DNAJC18: variants seen among roughly 807,000 people sequenced by gnomAD.
DNAJC18 encodes DnaJ heat shock protein family (Hsp40) member C18.
In DNAJC18, 40 loss-of-function variants were observed where a neutral mutation model predicts 48.6. The observed-to-expected ratio is 0.82, with a 90% CI of 0.64 to 1.07. The LOEUF (loss-of-function observed/expected upper bound fraction) is 1.07. Among genes scored for constraint, DNAJC18 ranks in the 50% least tolerant of loss-of-function variants. The pLI is 0.00. For synonymous variants in DNAJC18, 135 were observed against 152.2 expected (o/e 0.89, Z 0.83); for missense variants, 340 against 427.7 (o/e 0.79, Z 1.81).
intron 5 of DNAJC18, among the ~76,000 whole-genome samples, chr5:139,423,766 T>A (rs1759190139): frequency 6.7e-6 from 1 of 149,434 alleles, no homozygotes; most frequent in Non-Finnish European, 1.5e-5. Flanking sequence ...AAAAAAAAAA[T>A]CTGAAATCTG....
At chr5:139,418,653 T>C in intron 7 of DNAJC18, 1 of 432,426 alleles carries the variant, frequency 2.3e-6, no homozygotes, top group South Asian at 1.6e-5. Flanking sequence ...GAGAGAACAT[T>C]AGGACTTTGC....
chr5:139,422,665 C>T lies in DNAJC18; in HGVS notation c.779+43G>A, dbSNP rs1759173234. ...TCAGCAAAACCTTCAAGTCTTTCAC[C>T]CCCAGACTGTTACTGAGAAAGATTT... On this transcript the variant is annotated intron_variant, in intron 6 of 7. Coordinates refer to ENST00000302060, the MANE Select transcript of DNAJC18 (RefSeq NM_152686.4). 4.9e-6 allele frequency: 7 copies of T among 1,428,590 alleles called. No homozygotes were observed. In the East Asian group the frequency reaches 1.4e-4, roughly 29 times the overall value. 88.5% of individuals were successfully genotyped at this position (1,428,590 alleles called of 1,614,324 possible). A position where few individuals can be genotyped will look rare whatever the true frequency, so the allele number is the denominator to read the frequency against.
intron 7 of DNAJC18, 146 bp downstream of exon 7, chr5:139,419,907 A>G (rs567741238): frequency 9.5e-5 from 73 of 765,632 alleles, no homozygotes; most frequent in Non-Finnish European, 3.9e-6. Flanking sequence ...ACTTTTTTAT[A>G]GTATCCTGAA....
At chr5:139,438,315 CA>C (rs35642628) in intron 1 of DNAJC18, among the ~76,000 whole-genome samples, 159 of 131,012 alleles carry the variant, frequency 1.2e-3, no homozygotes, top group African/African-American at 3.4e-3. Flanking sequence ...GACTCCGTCT[CA>C]AAAAAAAAAA....
chr5:139,414,174 G>A lies in DNAJC18; in HGVS notation c.1051C>T (p.Leu351Phe), dbSNP rs774034517. ...KLENCEKLSK[L>F]IGLRRGG ...CAGCCACCTCTGCGTAGGCCAATGA[G>A]TTTGGAAAGTTTCTCACAGTTTTCA... Residue 351 changes from leucine (L) to phenylalanine (F), a missense_variant, in exon 8 of 8, where the codon CTC becomes TTC. Coordinates refer to ENST00000302060, the MANE Select transcript of DNAJC18 (RefSeq NM_152686.4). 42 of 1,610,788 alleles carry A rather than the reference G, an allele frequency of 2.6e-5. No individual in the cohort carries two copies. In the South Asian group the frequency reaches 3.6e-4, roughly 14 times the overall value.
intron 2 of DNAJC18, among the ~76,000 whole-genome samples, chr5:139,433,555 C>G (rs536348001): frequency 2.0e-5 from 3 of 152,160 alleles, no homozygotes; most frequent in African/African-American, 7.2e-5. Flanking sequence ...CATCATGTGG[C>G]ATTTTAAGCA....
chr5:139,433,761 T>TA (rs765212406), intron 2 of DNAJC18, among the ~76,000 whole-genome samples: 2 of 152,228 alleles, frequency 1.3e-5, no homozygotes, highest in Non-Finnish European at 2.9e-5. Flanking sequence ...TTTCACTTTT[T>TA]ATAATAGATT....
chr5:139,418,790 C>T (rs1476979700), intron 7 of DNAJC18: 1 of 456,280 alleles, frequency 2.2e-6, no homozygotes, highest in Non-Finnish European at 4.4e-6. Context: ...CTTCAAAAGA[C>T]ATTTGTTGAG....
In DNAJC18 at chr5:139,431,997, G is replaced by C. The variant is rs1759337283; in HGVS notation, c.228-3314C>G. 2.0e-5 allele frequency among the ~76,000 whole-genome samples: 3 copies of C among 152,248 alleles called. No homozygotes were observed. The East Asian group carries it at 5.8e-4, about 29-fold the overall frequency. On this transcript the variant is annotated intron_variant, in intron 2 of 7. Transcript: ENST00000302060. ...ATATCTTCTTTATTCATATATGGAG[G>C]AATATATAGGAGGAATGCCTATTCA...
At chr5:139,433,933 C>T (rs1759369882) in intron 2 of DNAJC18, among the ~76,000 whole-genome samples, 1 of 152,034 alleles carries the variant, frequency 6.6e-6, no homozygotes, top group South Asian at 2.1e-4. Context: ...CTCTTGTTGC[C>T]CAGGCTGGAG....
chr5:139,438,935 G>A (rs1004359641), intron 1 of DNAJC18, among the ~76,000 whole-genome samples: 4 of 152,204 alleles, frequency 2.6e-5, no homozygotes, highest in Non-Finnish European at 5.9e-5. Context: ...AGCATTAGGC[G>A]GGGCACACAA....
chr5:139,433,303 G>C (rs963348820), intron 2 of DNAJC18, among the ~76,000 whole-genome samples: 1 of 152,150 alleles, frequency 6.6e-6, no homozygotes. Context: ...AATTAGCTGG[G>C]CATGATGGTG....
chr5:139,421,778 A>G (rs1162693317), intron 6 of DNAJC18, among the ~76,000 whole-genome samples: 1 of 152,210 alleles, frequency 6.6e-6, no homozygotes, highest in East Asian at 1.9e-4. Flanking sequence ...ACTGCACTCC[A>G]GCCCAGGCGA....
chr5:139,429,297 T>G (rs1333846867), intron 2 of DNAJC18, among the ~76,000 whole-genome samples: 1 of 152,094 alleles, frequency 6.6e-6, no homozygotes, highest in Non-Finnish European at 1.5e-5. Flanking sequence ...TTGGTTAGGC[T>G]GGTCTCAAAC....
rs1416722129 is a variant in DNAJC18 at position 139,426,364 on chromosome 5, C to A, written c.374-7G>T. On this transcript the variant is annotated splice_polypyrimidine_tract_variant and splice_region_variant and intron_variant, in intron 3 of 7. Coordinates refer to ENST00000302060, the MANE Select transcript of DNAJC18 (RefSeq NM_152686.4). ...GCAAATGCATTTCCTATTGCTGCAACCAACAAGAACCAGCACATGAGGACA... is the reference window on the plus strand; with the variant it reads ...GCAAATGCATTTCCTATTGCTGCAAACAACAAGAACCAGCACATGAGGACA... 8 of 1,613,414 alleles carry A rather than the reference C, an allele frequency of 5.0e-6. No individual in the cohort carries two copies. Among genetic ancestry groups the A allele is most frequent in the Non-Finnish European group, 6.8e-6 (8 of 1,179,600 alleles).
At chr5:139,424,709 C>A (rs902337675) in intron 5 of DNAJC18, among the ~76,000 whole-genome samples, 8 of 105,052 alleles carry the variant, frequency 7.6e-5, no homozygotes, top group African/African-American at 2.7e-4. Context: ...GACAGTGAGA[C>A]CCTCTCTCAA....
intron 2 of DNAJC18, among the ~76,000 whole-genome samples, chr5:139,436,687 T>C (rs1750666543): frequency 6.6e-6 from 1 of 151,806 alleles, no homozygotes; most frequent in African/African-American, 2.4e-5. Context: ...TATATATATA[T>C]TTTTTGGAAG....
At chr5:139,427,288 C>T (rs1009337862) in intron 3 of DNAJC18, among the ~76,000 whole-genome samples, 7 of 152,208 alleles carry the variant, frequency 4.6e-5, no homozygotes, top group Admixed American at 2.0e-4. Context: ...TGTTTACCAA[C>T]ATGTCTCCTT....
Position 139,414,003 on chromosome 5 carries a change from C to T in DNAJC18, c.*145G>A. The stretch of plus-strand genomic sequence containing the variant: ...TGAAGACACATCTGGCTCTCGTGCC[C>T]ATGCTCCTGCCACTCTGCCCAACCA... On this transcript the variant is annotated 3_prime_UTR_variant, in exon 8 of 8. Transcript: ENST00000302060. 8.1e-7 allele frequency: 1 copy of T among 1,235,428 alleles called. No homozygotes were observed. The highest frequency in any genetic ancestry group is 1.1e-6 in the Non-Finnish European group (1 of 911,968). The allele number at this position is 1,235,428 out of a possible 1,614,324, so 76.5% of individuals were successfully genotyped here.
Sources: gnomAD v4.1 joint callset for allele counts (sites outside exome capture counted in the v4.1 genomes callset) on GRCh38, gnomAD v4.1.1 for gene constraint, MANE v1.5 for transcripts, NCBI Gene and HGNC (gene_info 2026-07-23, HGNC 2026-07-21) for gene names.